The following TRPM3 variants were observed in gnomAD, a reference collection of about 807,000 sequenced individuals.
TRPM3 encodes long transient receptor potential channel 3.
A neutral mutation model predicts 181.2 loss-of-function variants in TRPM3; 77 were observed. That is an observed-to-expected ratio of 0.42 (90% CI 0.35 to 0.51). TRPM3 has a LOEUF of 0.51. Among genes scored for constraint, TRPM3 ranks in the 20% least tolerant of loss-of-function variants. TRPM3 has a pLI of 0.01. For synonymous variants in TRPM3, 745 were observed against 796.4 expected, an observed-to-expected ratio of 0.94 and a Z score of 1.09; for missense variants, 1,759 against 2,196.7, an observed-to-expected ratio of 0.80 and a Z score of 3.98.
At chr9:70,848,364 G>A (rs905672704) in intron 3 of TRPM3, among the ~76,000 whole-genome samples, 6 of 152,188 alleles carry the variant, frequency 3.9e-5, no homozygotes, top group Non-Finnish European at 5.9e-5. Context: ...GGAGCTTGGA[G>A]GAGATAATCA....
chr9:71,186,927 TC>T (rs2077715721), intron 1 of TRPM3, among the ~76,000 whole-genome samples: 1 of 152,032 alleles, frequency 6.6e-6, no homozygotes, highest in African/African-American at 2.4e-5. Context: ...GAACATATTT[TC>T]CCTAATAATT....
chr9:71,032,115 T>C (rs1403951714), intron 1 of TRPM3, among the ~76,000 whole-genome samples: 4 of 91,388 alleles, frequency 4.4e-5, no homozygotes, highest in South Asian at 2.9e-4. Flanking sequence ...ATATATTATA[T>C]TATATATATT....
intron 1 of TRPM3, among the ~76,000 whole-genome samples, chr9:70,896,776 T>A (rs929700635): frequency 3.3e-5 from 5 of 150,438 alleles, no homozygotes; most frequent in African/African-American, 1.2e-4. Context: ...AAAAGATTAC[T>A]ACTAACAAAT....
intron 5 of TRPM3, among the ~76,000 whole-genome samples, chr9:70,835,703 AT>A (rs2094273904): frequency 6.6e-6 from 1 of 152,160 alleles, no homozygotes; most frequent in South Asian, 2.1e-4. Context: ...TACATAGAGA[AT>A]AATAATAATC....
At chr9:71,348,554 ATT>A (rs1190183550) in intron 1 of TRPM3, among the ~76,000 whole-genome samples, 31 of 84,792 alleles carry the variant, frequency 3.7e-4, no homozygotes, top group Admixed American at 8.7e-4. Context: ...TTATTTATAT[ATT>A]TATTTATTTA....
At chr9:71,148,269 T>C (rs563301278) in intron 1 of TRPM3, among the ~76,000 whole-genome samples, 4 of 152,182 alleles carry the variant, frequency 2.6e-5, no homozygotes, top group Non-Finnish European at 4.4e-5. Context: ...TATTAGAACA[T>C]GTAAATAGTT....
intron 6 of TRPM3, chr9:70,826,039 G>A (rs1187128922): frequency 1.3e-5 from 2 of 152,366 alleles, no homozygotes; most frequent in African/African-American, 4.8e-5. Flanking sequence ...TTGCCTCTCT[G>A]GACCGATTTT....
At chr9:71,365,438 T>C (rs1297395820) in intron 1 of TRPM3, among the ~76,000 whole-genome samples, 1 of 152,102 alleles carries the variant, frequency 6.6e-6, no homozygotes, top group African/African-American at 2.4e-5. Flanking sequence ...CTTAATTTCA[T>C]TCAAGACATC....
intron 5 of TRPM3, among the ~76,000 whole-genome samples, chr9:70,829,299 T>C (rs935089032): frequency 6.6e-6 from 1 of 152,198 alleles, no homozygotes; most frequent in African/African-American, 2.4e-5. Flanking sequence ...GAAGAACTCA[T>C]GTAAGTCATT....
At chr9:70,740,459 C>T (rs1161932444) in intron 8 of TRPM3, among the ~76,000 whole-genome samples, 1 of 145,638 alleles carries the variant, frequency 6.9e-6, no homozygotes, top group Non-Finnish European at 1.6e-5. Context: ...CATCATTCTT[C>T]ACAGACCTAG....
At chr9:70,608,182 G>T (rs958929586) in intron 19 of TRPM3, among the ~76,000 whole-genome samples, 2 of 152,118 alleles carry the variant, frequency 1.3e-5, no homozygotes, top group African/African-American at 4.8e-5. Flanking sequence ...TCCACCACGT[G>T]GCCCTGCCAG....
At position 70,843,174 on chromosome 9, in the gene TRPM3, C is replaced by G. The variant is rs758282255; in HGVS notation, c.677-47G>C. 11 of 1,573,010 alleles carry G rather than the reference C, an allele frequency of 7.0e-6. No individual in the cohort carries two copies. The Admixed American group carries it at 2.0e-4, about 28-fold the overall frequency. On this transcript the variant is annotated intron_variant, in intron 4 of 25. Coordinates refer to ENST00000677713, the MANE Select transcript of TRPM3 (RefSeq NM_001366145.2). ...TGATTTTTTCTTTTAAAGCAAATAC[C>G]TTTTCATCATTCTAAAGAAAACTGT...
chr9:71,059,779 G>C (rs1039992896), intron 1 of TRPM3, among the ~76,000 whole-genome samples: 19 of 151,880 alleles, frequency 1.3e-4, no homozygotes, highest in African/African-American at 4.6e-4. Context: ...TTTTGGACTT[G>C]CCAACAACAT....
rs557670736 is a variant in TRPM3, at chr9:70,549,568, A to T, written c.3681T>A (p.Asp1227Glu). 1 of 1,612,778 alleles carries T rather than the reference A, an allele frequency of 6.2e-7. No individual in the cohort carries two copies. The highest frequency in any genetic ancestry group is 1.1e-5 in the South Asian group (1 of 90,978). ...EKDDRFNSSN[D>E]ERIRVTSERV... Reference sequence around the variant, plus strand: ...TTTCTGAAGTCACCCGTATCCTCTCATCATTAGATGAGTTGAACCGATCAT... The same window carrying T: ...TTTCTGAAGTCACCCGTATCCTCTCTTCATTAGATGAGTTGAACCGATCAT... Residue 1227 changes from aspartate (D) to glutamate (E), a missense_variant, in exon 25 of 26, where the codon GAT (aspartate) becomes GAA (glutamate). Coordinates refer to ENST00000677713, the MANE Select transcript of TRPM3 (RefSeq NM_001366145.2).
chr9:71,432,973 C>T (rs1332508450), intron 1 of TRPM3, among the ~76,000 whole-genome samples: 3 of 152,036 alleles, frequency 2.0e-5, no homozygotes, highest in African/African-American at 7.3e-5. Flanking sequence ...AATAGTAATA[C>T]TAATAATATA....
intron 1 of TRPM3, among the ~76,000 whole-genome samples, chr9:71,210,893 A>G (rs1313371392): frequency 6.6e-6 from 1 of 152,204 alleles, no homozygotes; most frequent in Non-Finnish European, 1.5e-5. Flanking sequence ...CTCACGTGGC[A>G]GAGACAGAGA....
intron 1 of TRPM3, among the ~76,000 whole-genome samples, chr9:71,061,749 T>C (rs1468407174): frequency 6.6e-6 from 1 of 152,106 alleles, no homozygotes; most frequent in Non-Finnish European, 1.5e-5. Flanking sequence ...GGAGATCTCT[T>C]GGAAGCTTGT....
At chr9:71,267,047 G>A (rs1029905066) in intron 1 of TRPM3, among the ~76,000 whole-genome samples, 3 of 151,590 alleles carry the variant, frequency 2.0e-5, no homozygotes, top group Non-Finnish European at 2.9e-5. Flanking sequence ...GAAAGCTAAC[G>A]CTGTTAGTCA....
chr9:71,169,646 T>C (rs941952052), intron 1 of TRPM3, among the ~76,000 whole-genome samples: 3 of 151,902 alleles, frequency 2.0e-5, no homozygotes, highest in African/African-American at 7.3e-5. Flanking sequence ...AGGAAAAATA[T>C]ATACTGATAT....
Sources: gnomAD v4.1 joint callset for allele counts (sites outside exome capture counted in the v4.1 genomes callset) on GRCh38, gnomAD v4.1.1 for gene constraint, MANE v1.5 for transcripts, NCBI Gene and HGNC (gene_info 2026-07-23, HGNC 2026-07-21) for gene names.